The following DPYD variants were observed in gnomAD, a reference collection of about 807,000 sequenced individuals.
The protein encoded by DPYD is dihydropyrimidine dehydrogenase [NADP(+)].
A neutral mutation model predicts 116.2 loss-of-function variants in DPYD; 109 were observed. That is an observed-to-expected ratio of 0.94 (90% confidence interval 0.80 to 1.10). The LOEUF (loss-of-function observed/expected upper bound fraction) is 1.10, where lower values mean the gene tolerates loss of function less well. Among genes scored for constraint, DPYD ranks in the 50% least tolerant of loss-of-function variants. DPYD has a pLI of 0.00. For missense variants in DPYD, 1,302 were observed against 1,254.5 expected, an observed-to-expected ratio of 1.04 and a Z score of -0.57; for synonymous variants, 440 against 432.0, an observed-to-expected ratio of 1.02 and a Z score of -0.23.
At chr1:97,823,249 G>GAA (rs1557988702) in intron 3 of DPYD, among the ~76,000 whole-genome samples, 14 of 151,940 alleles carry the variant, frequency 9.2e-5, no homozygotes, top group African/African-American at 3.4e-4. Context: ...CCACCTCCCC[G>GAA]GTTCATGCCA....
chr1:97,652,225 A>T (rs1658628221), intron 8 of DPYD, among the ~76,000 whole-genome samples: 1 of 152,180 alleles, frequency 6.6e-6, no homozygotes, highest in Non-Finnish European at 1.5e-5. Context: ...AGAGAATTTT[A>T]GAAATCACTT....
At chr1:97,868,487 GT>G (rs1671501874) in intron 2 of DPYD, among the ~76,000 whole-genome samples, 2 of 151,764 alleles carry the variant, frequency 1.3e-5, no homozygotes, top group South Asian at 4.1e-4. Flanking sequence ...CAATATTTAG[GT>G]AAAACTAAAA....
At chr1:97,295,720 C>T (rs983595998) in intron 18 of DPYD, 21 of 974,468 alleles carry the variant, frequency 2.2e-5, no homozygotes, top group Middle Eastern at 1.0e-3. Context: ...TGTGAGCCAT[C>T]GCTCTCAGCC....
intron 19 of DPYD, among the ~76,000 whole-genome samples, chr1:97,223,218 G>C (rs925193685): frequency 3.3e-5 from 5 of 152,004 alleles, no homozygotes; most frequent in Non-Finnish European, 7.4e-5. Context: ...AGCTCCATCA[G>C]AGCAGCTTTG....
chr1:97,910,863 T>A (rs1333598878), intron 1 of DPYD, among the ~76,000 whole-genome samples: 1 of 152,102 alleles, frequency 6.6e-6, no homozygotes, highest in Non-Finnish European at 1.5e-5. Context: ...AGCATCTAGT[T>A]TTCTTAAAAT....
At chr1:97,114,409 G>C (rs1651817579) in intron 20 of DPYD, among the ~76,000 whole-genome samples, 1 of 152,104 alleles carries the variant, frequency 6.6e-6, no homozygotes, top group South Asian at 2.1e-4. Flanking sequence ...AATTCAAGGA[G>C]AAAATAGCAT....
At chr1:97,602,235 G>C (rs1020118301) in intron 8 of DPYD, among the ~76,000 whole-genome samples, 3 of 151,844 alleles carry the variant, frequency 2.0e-5, no homozygotes, top group Non-Finnish European at 4.4e-5. Context: ...CTAGAAAAGA[G>C]AATAAAATAA....
intron 3 of DPYD, among the ~76,000 whole-genome samples, chr1:97,740,862 A>G (rs1226548306): frequency 6.6e-6 from 1 of 152,172 alleles, no homozygotes; most frequent in African/African-American, 2.4e-5. Flanking sequence ...AAATTATTAA[A>G]CAAATGCAAA....
intron 14 of DPYD, among the ~76,000 whole-genome samples, chr1:97,443,624 C>A (rs927792932): frequency 6.6e-6 from 1 of 152,160 alleles, no homozygotes; most frequent in Non-Finnish European, 1.5e-5. Context: ...CTTTGGGGTA[C>A]AAGGCAAAAG....
At chr1:97,877,340 G>A (rs1671975400) in intron 2 of DPYD, among the ~76,000 whole-genome samples, 1 of 151,882 alleles carries the variant, frequency 6.6e-6, no homozygotes, top group Admixed American at 6.6e-5. Flanking sequence ...ATAAAACTTA[G>A]GTATCAGCTC....
At chr1:97,263,691 C>T (rs571372160) in intron 18 of DPYD, among the ~76,000 whole-genome samples, 1 of 152,184 alleles carries the variant, frequency 6.6e-6, no homozygotes, top group East Asian at 1.9e-4. Flanking sequence ...TGAAAAATAG[C>T]ATTTTTCCAA....
At chr1:97,626,295 T>C (rs1207043606) in intron 8 of DPYD, among the ~76,000 whole-genome samples, 1 of 152,038 alleles carries the variant, frequency 6.6e-6, no homozygotes, top group Admixed American at 6.6e-5. Context: ...GTCAATGATA[T>C]TAACATAAAT....
At chr1:97,184,681 C>A (rs1657877858) in intron 20 of DPYD, among the ~76,000 whole-genome samples, 1 of 152,026 alleles carries the variant, frequency 6.6e-6, no homozygotes, top group South Asian at 2.1e-4. Flanking sequence ...ATTTCCAGTT[C>A]ATTGTTCCAA....
chr1:97,346,984 A>G (rs1428987772), intron 16 of DPYD, among the ~76,000 whole-genome samples: 1 of 151,806 alleles, frequency 6.6e-6, no homozygotes, highest in Non-Finnish European at 1.5e-5. Flanking sequence ...GGCCTTTTAA[A>G]CATCCATATA....
chr1:97,091,629 G>A (rs763854972), intron 21 of DPYD, among the ~76,000 whole-genome samples: 4 of 152,120 alleles, frequency 2.6e-5, no homozygotes, highest in African/African-American at 9.7e-5. Flanking sequence ...TGGGCAAAAT[G>A]GCAGGGACTT....
chr1:97,374,770 C>T (rs1260987466), intron 15 of DPYD, among the ~76,000 whole-genome samples: 3 of 136,952 alleles, frequency 2.2e-5, no homozygotes, highest in African/African-American at 8.4e-5. Context: ...TGGCCGGGTG[C>T]AGTGGCTCAC....
At chr1:97,494,848 T>A (rs748229564) in intron 13 of DPYD, among the ~76,000 whole-genome samples, 3 of 152,148 alleles carry the variant, frequency 2.0e-5, no homozygotes, top group South Asian at 2.1e-4. Context: ...AGCCGGCTCC[T>A]GAGGATGAAT....
intron 2 of DPYD, among the ~76,000 whole-genome samples, chr1:97,873,242 G>C (rs1284594647): frequency 6.6e-6 from 1 of 151,888 alleles, no homozygotes; most frequent in Non-Finnish European, 1.5e-5. Flanking sequence ...TAATAAATAT[G>C]TACAATTTAG....
At chr1:97,518,458 C>T (rs564758266) in intron 12 of DPYD, among the ~76,000 whole-genome samples, 4 of 152,074 alleles carry the variant, frequency 2.6e-5, no homozygotes, top group African/African-American at 9.6e-5. Flanking sequence ...AAAGCCTGTT[C>T]CCCCTCTGTA....
Sources: allele counts gnomAD v4.1 joint callset (sites outside exome capture counted in the v4.1 genomes callset), GRCh38; gene constraint gnomAD v4.1.1; transcripts MANE v1.5; gene names NCBI Gene and HGNC (gene_info 2026-07-23, HGNC 2026-07-21).